The following HMCN1 variants were observed in gnomAD, a reference collection of about 807,000 sequenced individuals.
HMCN1 encodes the protein hemicentin-1.
In HMCN1, 321 loss-of-function variants were observed where a neutral mutation model predicts 625.9. The ratio of observed to expected loss-of-function variants is 0.51; its 90% CI spans 0.47 to 0.56. HMCN1 has a LOEUF of 0.56. HMCN1 is among the 20% of genes least tolerant of loss of function. The pLI is 0.00. For synonymous variants in HMCN1, 2,425 were observed against 2,417.6 expected, an observed-to-expected ratio of 1.00 and a Z score of -0.09; for missense variants, 6,588 against 6,887.3, an observed-to-expected ratio of 0.96 and a Z score of 1.54.
chr1:185,963,945 C>G (rs764617456), intron 13 of HMCN1, 50 bp downstream of exon 13: 1 of 1,516,706 alleles, frequency 6.6e-7, no homozygotes, highest in Non-Finnish European at 9.1e-7. Flanking sequence ...AATATCACAT[C>G]AAGCAATGCA....
intron 1 of HMCN1, among the ~76,000 whole-genome samples, chr1:185,800,575 A>G (rs2102223122): frequency 6.6e-6 from 1 of 152,260 alleles, no homozygotes; most frequent in South Asian, 2.1e-4. Context: ...CACCTAATAC[A>G]TAGGAAACAC....
At chr1:185,877,518 A>G (rs1035638843) in intron 4 of HMCN1, among the ~76,000 whole-genome samples, 1 of 151,284 alleles carries the variant, frequency 6.6e-6, no homozygotes, top group Admixed American at 6.6e-5. Flanking sequence ...TGGTAGTTAG[A>G]TAGAAATTAC....
At chr1:185,781,794 C>G (rs190050562) in intron 1 of HMCN1, among the ~76,000 whole-genome samples, 1 of 152,024 alleles carries the variant, frequency 6.6e-6, no homozygotes, top group African/African-American at 2.4e-5. Context: ...GGAATAAGTG[C>G]GATGTGGTGC....
intron 1 of HMCN1, among the ~76,000 whole-genome samples, chr1:185,827,660 G>T (rs1660607838): frequency 6.6e-6 from 1 of 151,988 alleles, no homozygotes. Flanking sequence ...CACATTTTTG[G>T]AGTCACGAAT....
intron 2 of HMCN1, among the ~76,000 whole-genome samples, chr1:185,862,295 C>T (rs1662924427): frequency 6.6e-6 from 1 of 151,772 alleles, no homozygotes; most frequent in Non-Finnish European, 1.5e-5. Flanking sequence ...GAAGGAAAAG[C>T]AGAAAATCAG....
chr1:185,819,237 C>CAAAAAAAAAAAA (rs575598587), intron 1 of HMCN1, among the ~76,000 whole-genome samples: 83 of 125,108 alleles, frequency 6.6e-4, no homozygotes, highest in African/African-American at 2.3e-3. Flanking sequence ...ATCTCCATCT[C>CAAAAAAAAAAAA]AAAAAAAAAA....
In HMCN1 at chr1:186,137,505, T is replaced by C; in HGVS notation, c.13590T>C (p.Gly4530=). 6.2e-7 allele frequency: 1 copy of C among 1,613,542 alleles called. No homozygotes were observed. The highest frequency in any genetic ancestry group is 8.5e-7 in the Non-Finnish European group (1 of 1,179,802). ...ACAATGTTTTATTTGCAGTTCATGG[T>C]GGATTTTCCCAGTGGTCTGCATGGA... The part of the protein sequence containing the change: ...VRVPVIVQVH[G]GFSQWSAWRA... The change falls in exon 88 of 107, where the codon GGT becomes GGC. Residue 4530 remains glycine, a synonymous_variant. Coordinates refer to ENST00000271588, the MANE Select transcript of HMCN1 (RefSeq NM_031935.3).
intron 48 of HMCN1, among the ~76,000 whole-genome samples, chr1:186,064,435 C>T (rs76891344): frequency 6.6e-6 from 1 of 151,976 alleles, no homozygotes; most frequent in Admixed American, 6.6e-5. Context: ...CTGGTATAGA[C>T]TCAAAATATC....
intron 6 of HMCN1, among the ~76,000 whole-genome samples, chr1:185,918,948 G>A (rs1273868282): frequency 2.0e-5 from 3 of 151,928 alleles, no homozygotes; most frequent in Non-Finnish European, 4.4e-5. Context: ...GACATTCTGT[G>A]GTGGAAAGGT....
At chr1:185,793,646 A>T (rs1410271599) in intron 1 of HMCN1, among the ~76,000 whole-genome samples, 3 of 152,210 alleles carry the variant, frequency 2.0e-5, no homozygotes, top group Admixed American at 6.5e-5. Context: ...GAATTGTTTT[A>T]ACTAAGATTT....
chr1:186,151,218 G>C lies in HMCN1; in HGVS notation c.14627G>C (p.Arg4876Thr). ...QACPGGPQRA[R>T]GSVIGNINDV... is the part of the protein sequence containing the mutation. ...CCAATAGGTGGGCCCCAGCGAGCCA[G>C]AGGAAGTGTTATTGGAAATATTAAT... The change falls in exon 94 of 107, where the codon AGA becomes ACA. Residue 4876 changes from arginine (R) to threonine (T), a missense_variant. By Grantham distance (71) the Arg-to-Thr change is moderately conservative (BLOSUM62 -1). Coordinates refer to ENST00000271588, the MANE Select transcript of HMCN1 (RefSeq NM_031935.3). 1 of 1,613,726 alleles carries C rather than the reference G, an allele frequency of 6.2e-7. No homozygotes were observed. Among genetic ancestry groups the C allele is most frequent in the East Asian group, 2.2e-5 (1 of 44,860 alleles).
At chr1:186,023,281 A>AT (rs1175552246) in intron 36 of HMCN1, 128 bp downstream of exon 36, 3 of 820,822 alleles carry the variant, frequency 3.7e-6, no homozygotes, top group Non-Finnish European at 5.6e-6. Flanking sequence ...TATAAAAAAA[A>AT]CCTAGGGTTT....
intron 1 of HMCN1, among the ~76,000 whole-genome samples, chr1:185,845,049 T>C (rs1661725151): frequency 6.6e-6 from 1 of 152,176 alleles, no homozygotes; most frequent in Non-Finnish European, 1.5e-5. Context: ...GTGTAGTACA[T>C]CTGGGCGGTT....
chr1:186,002,292 A>G (rs374522472), intron 28 of HMCN1, among the ~76,000 whole-genome samples: 1 of 152,108 alleles, frequency 6.6e-6, no homozygotes, highest in African/African-American at 2.4e-5. Context: ...AAATTTTATA[A>G]TTCTAGTTTG....
intron 11 of HMCN1, among the ~76,000 whole-genome samples, chr1:185,940,954 G>A (rs1028671158): frequency 1.3e-5 from 2 of 152,080 alleles, no homozygotes; most frequent in African/African-American, 4.8e-5. Context: ...TAGAGACGGG[G>A]TTTCTCCATG....
At chr1:186,175,185 A>C (rs778499136) in intron 103 of HMCN1, among the ~76,000 whole-genome samples, 6 of 152,208 alleles carry the variant, frequency 3.9e-5, no homozygotes, top group Non-Finnish European at 7.4e-5. Flanking sequence ...GTTATATTTG[A>C]ATATGAAGGC....
chr1:185,980,977 G>A lies in HMCN1; in HGVS notation c.2567-1G>A. On this transcript the variant is annotated splice_acceptor_variant, in intron 16 of 106. Transcript: ENST00000271588. LOFTEE classifies it high-confidence loss of function. ...ATGAGTAAATGAGTTCTTCCTTTTA[G>A]ACTTATGGGCAAGTGATAAAGGAAC... 1.3e-6 allele frequency: 2 copies of A among 1,577,634 alleles called. No homozygotes were observed. Among genetic ancestry groups the A allele is most frequent in the Non-Finnish European group, 1.7e-6 (2 of 1,146,942 alleles).
At chr1:186,017,490 TTTC>T (rs1021611988) in intron 33 of HMCN1, among the ~76,000 whole-genome samples, 3 of 152,060 alleles carry the variant, frequency 2.0e-5, no homozygotes, top group Admixed American at 6.6e-5. Flanking sequence ...ACCAATTTTT[TTTC>T]TTCTTCTTTA....
Position 186,041,057 on chromosome 1 carries a change from C to T in HMCN1, c.6225C>T (p.Ile2075=). The T allele has an allele frequency of 6.2e-7, 1 of 1,612,940 alleles. No homozygotes were observed. Among genetic ancestry groups the T allele is most frequent in the African/African-American group, 1.3e-5 (1 of 74,954 alleles). ...GRILALTSAQ[I]SDTGRYTCVA... is the part of the protein sequence containing the mutation. ...TCCTAGCATTGACCAGTGCACAAAT[C>T]AGCGACACAGGAAGGTACACCTGCG... Residue 2075 remains isoleucine, a synonymous_variant, in exon 40 of 107, where the codon ATC becomes ATT. Transcript: ENST00000271588.
Sources: allele counts gnomAD v4.1 joint callset (sites outside exome capture counted in the v4.1 genomes callset), GRCh38; gene constraint gnomAD v4.1.1; transcripts MANE v1.5; gene names NCBI Gene and HGNC (gene_info 2026-07-23, HGNC 2026-07-21).